The following IGF2BP3 variants were observed in gnomAD, a reference collection of about 807,000 sequenced individuals.
IGF2BP3 encodes insulin-like growth factor 2 mRNA-binding protein 3.
In IGF2BP3, 9 loss-of-function variants were observed where a neutral mutation model predicts 73.8. That is an observed-to-expected ratio of 0.12 (90% confidence interval 0.07 to 0.21). The LOEUF (loss-of-function observed/expected upper bound fraction) is 0.21, where lower values mean the gene tolerates loss of function less well. IGF2BP3 is among the 10% of genes least tolerant of loss of function. IGF2BP3 has a pLI of 1.00. For synonymous variants in IGF2BP3, 258 were observed against 256.7 expected (o/e 1.01, Z -0.05); for missense variants, 542 against 714.0 (o/e 0.76, Z 2.75).
intron 3 of IGF2BP3, among the ~76,000 whole-genome samples, chr7:23,389,115 G>T (rs756484382): frequency 1.3e-5 from 2 of 150,998 alleles, no homozygotes; most frequent in Middle Eastern, 3.2e-3. Context: ...CTAATTCAAC[G>T]ATTTAAGTTG....
rs1489189673 is a variant in IGF2BP3, at chr7:23,399,208, T to C, written c.285+19568A>G. Among the ~76,000 whole-genome samples the C allele has an allele frequency of 7.9e-5, 12 of 152,160 alleles. No homozygotes were observed. In the South Asian group the frequency reaches 2.3e-3, roughly 29 times the overall value. ...TTGTTTTTGTCAGGTTTGTCAAAGA[T>C]TAGATGGTTGTAGATATGTGGCATT... On this transcript the variant is annotated intron_variant, in intron 3 of 14. Coordinates refer to ENST00000258729, the MANE Select transcript of IGF2BP3 (RefSeq NM_006547.3).
In IGF2BP3 at chr7:23,337,761, C is replaced by T. The variant is rs574067855; in HGVS notation, c.1203+4303G>A. 1.9e-4 allele frequency among the ~76,000 whole-genome samples: 29 copies of T among 152,288 alleles called. No individual in the cohort carries two copies. In the South Asian group the frequency reaches 6.0e-3, roughly 32 times the overall value. ...CATTGCCCAGGCTGGACTGAAATTC[C>T]TGGGCTCAAGCAATCCTCCCACCTC... On this transcript the variant is annotated intron_variant, in intron 10 of 14. Coordinates refer to ENST00000258729, the MANE Select transcript of IGF2BP3 (RefSeq NM_006547.3).
chr7:23,387,254 A>G (rs977343619), intron 3 of IGF2BP3, among the ~76,000 whole-genome samples: 2 of 152,178 alleles, frequency 1.3e-5, no homozygotes, highest in Non-Finnish European at 2.9e-5. Flanking sequence ...AAAACTTCAC[A>G]CAAGTTCCAA....
intron 5 of IGF2BP3, among the ~76,000 whole-genome samples, chr7:23,356,293 C>A (rs1785094312): frequency 6.6e-6 from 1 of 152,110 alleles, no homozygotes; most frequent in Admixed American, 6.5e-5. Context: ...TGCAGGAGCT[C>A]ACACCTCTAA....
intron 10 of IGF2BP3, among the ~76,000 whole-genome samples, chr7:23,338,153 C>T (rs980381022): frequency 1.4e-4 from 22 of 151,992 alleles, no homozygotes; most frequent in African/African-American, 4.6e-4. Flanking sequence ...ATATTTCCTA[C>T]GAGTTGGGAT....
intron 5 of IGF2BP3, among the ~76,000 whole-genome samples, chr7:23,357,700 C>T (rs1241913323): frequency 6.6e-6 from 1 of 152,150 alleles, no homozygotes; most frequent in African/African-American, 2.4e-5. Flanking sequence ...TTAAACTTGT[C>T]AAATTTTTAT....
intron 3 of IGF2BP3, among the ~76,000 whole-genome samples, chr7:23,408,008 T>C (rs1341829273): frequency 2.0e-5 from 3 of 150,408 alleles, no homozygotes; most frequent in African/African-American, 7.3e-5. Context: ...AAAAACTACA[T>C]GATAATATCA....
intron 3 of IGF2BP3, among the ~76,000 whole-genome samples, chr7:23,409,549 A>T (rs1786951384): frequency 6.6e-6 from 1 of 152,224 alleles, no homozygotes; most frequent in Non-Finnish European, 1.5e-5. Context: ...ACAGACACAT[A>T]AATCAATGGG....
At chr7:23,447,012 G>C (rs1287012922) in intron 2 of IGF2BP3, among the ~76,000 whole-genome samples, 1 of 152,040 alleles carries the variant, frequency 6.6e-6, no homozygotes, top group African/African-American at 2.4e-5. Context: ...AGCCCAGCCT[G>C]CCCAACATGG....
intron 5 of IGF2BP3, among the ~76,000 whole-genome samples, chr7:23,352,793 T>G (rs1359242077): frequency 6.6e-6 from 1 of 152,198 alleles, no homozygotes; most frequent in East Asian, 1.9e-4. Flanking sequence ...ATAGATTAAT[T>G]CTGCCTATTT....
chr7:23,333,295 A>AT (rs764735496), intron 10 of IGF2BP3, among the ~76,000 whole-genome samples: 6 of 152,236 alleles, frequency 3.9e-5, no homozygotes, highest in Non-Finnish European at 8.8e-5. Context: ...TTATTAAAAA[A>AT]TGACTATTCC....
At chr7:23,396,989 T>C (rs532782170) in intron 3 of IGF2BP3, among the ~76,000 whole-genome samples, 1 of 152,322 alleles carries the variant, frequency 6.6e-6, no homozygotes, top group South Asian at 2.1e-4. Context: ...GTCACTTTTA[T>C]CCAAAGTCTC....
intron 2 of IGF2BP3, among the ~76,000 whole-genome samples, chr7:23,454,954 C>A (rs993515491): frequency 6.6e-6 from 1 of 152,270 alleles, no homozygotes; most frequent in South Asian, 2.1e-4. Flanking sequence ...TCCTGTATCA[C>A]AATTTGCCTT....
intron 3 of IGF2BP3, among the ~76,000 whole-genome samples, chr7:23,369,995 T>G (rs934706023): frequency 1.3e-5 from 2 of 152,218 alleles, no homozygotes; most frequent in African/African-American, 4.8e-5. Flanking sequence ...TATATCCTCC[T>G]GCCAGCAGTT....
At chr7:23,354,523 A>G (rs1303390153) in intron 5 of IGF2BP3, among the ~76,000 whole-genome samples, 2 of 152,204 alleles carry the variant, frequency 1.3e-5, no homozygotes, top group Non-Finnish European at 2.9e-5. Context: ...TGAGTGAGAT[A>G]GACACATACA....
At position 23,335,694 on chromosome 7, in the gene IGF2BP3, A is replaced by C. The variant is rs542421019; in HGVS notation, c.1203+6370T>G. ...TATCATTTTGGAGACTTCTGAGAAG[A>C]CTCCAAAGAGGCTATCAAAACTGAA... On this transcript the variant is annotated intron_variant, in intron 10 of 14. Transcript: ENST00000258729. Among the ~76,000 whole-genome samples, 37 of 152,022 alleles carry C rather than the reference A, an allele frequency of 2.4e-4. No individual in the cohort carries two copies. The South Asian group carries it at 7.3e-3, about 30-fold the overall frequency.
At chr7:23,381,739 T>C (rs1020192491) in intron 3 of IGF2BP3, among the ~76,000 whole-genome samples, 1 of 152,036 alleles carries the variant, frequency 6.6e-6, no homozygotes, top group East Asian at 1.9e-4. Flanking sequence ...CAGCTAATTT[T>C]TGTATTTTTA....
In IGF2BP3 at chr7:23,310,865, CAAAA is replaced by C. The variant is rs911332233; in HGVS notation, c.*1493_*1496del. ...CTGTGATCATCTTACAAACAAAACTCAAAAAATCAATTCAGAGAGCAGCGTGGCC... is the reference window on the plus strand; with the variant it reads ...CTGTGATCATCTTACAAACAAAACTCAATCAATTCAGAGAGCAGCGTGGCC... On this transcript the variant is annotated 3_prime_UTR_variant, in exon 15 of 15. Transcript: ENST00000258729. 21 of 151,884 alleles carry C rather than the reference CAAAA, an allele frequency of 1.4e-4. No homozygotes were observed. The highest frequency in any genetic ancestry group is 4.4e-4 in the African/African-American group (18 of 41,324). The allele number at this position is 151,884 out of a possible 1,614,324, so 9.4% of individuals were successfully genotyped here.
At chr7:23,372,223 T>TAC (rs1785572817) in intron 3 of IGF2BP3, among the ~76,000 whole-genome samples, 1 of 152,046 alleles carries the variant, frequency 6.6e-6, no homozygotes, top group African/African-American at 2.4e-5. Flanking sequence ...TACAGGCACG[T>TAC]GCCTCCACCC....
Sources: gnomAD v4.1 joint callset for allele counts (sites outside exome capture counted in the v4.1 genomes callset) on GRCh38, gnomAD v4.1.1 for gene constraint, MANE v1.5 for transcripts, NCBI Gene and HGNC (gene_info 2026-07-23, HGNC 2026-07-21) for gene names.